The following SORCS1 variants were observed in gnomAD, a reference collection of about 807,000 sequenced individuals.
The protein encoded by SORCS1 is sortilin related VPS10 domain containing receptor 1.
In SORCS1, 60 loss-of-function variants were observed where a neutral mutation model predicts 146.1. The ratio of observed to expected loss-of-function variants is 0.41; its 90% CI spans 0.33 to 0.51. The LOEUF is 0.51. Among genes scored for constraint, SORCS1 ranks in the 20% least tolerant of loss-of-function variants. The pLI is 0.21. For synonymous variants in SORCS1, 637 were observed against 584.0 expected, an observed-to-expected ratio of 1.09 and a Z score of -1.31; for missense variants, 1,352 against 1,487.6, an observed-to-expected ratio of 0.91 and a Z score of 1.50.
chr10:107,130,336 C>A (rs1966853727), intron 1 of SORCS1, among the ~76,000 whole-genome samples: 1 of 152,156 alleles, frequency 6.6e-6, no homozygotes, highest in African/African-American at 2.4e-5. Context: ...AACTGCAGAG[C>A]AACAAATAAT....
intron 1 of SORCS1, among the ~76,000 whole-genome samples, chr10:107,161,699 A>G (rs1238957617): frequency 1.3e-5 from 2 of 152,212 alleles, no homozygotes; most frequent in Non-Finnish European, 2.9e-5. Flanking sequence ...CCAAAAAAAA[A>G]AAGTTTATTT....
intron 6 of SORCS1, among the ~76,000 whole-genome samples, chr10:106,729,445 T>A (rs76304833): frequency 2.3e-5 from 1 of 44,168 alleles, no homozygotes; most frequent in Non-Finnish European, 4.9e-5. Flanking sequence ...CTCTCTCTCT[T>A]TTTTTTTTTT....
intron 1 of SORCS1, among the ~76,000 whole-genome samples, chr10:107,137,954 T>C (rs1967471367): frequency 6.6e-6 from 1 of 152,192 alleles, no homozygotes; most frequent in South Asian, 2.1e-4. Context: ...GCCATGTGTA[T>C]TCTGTTCATT....
upstream of SORCS1, among the ~76,000 whole-genome samples, chr10:107,167,006 T>C (rs550138908): frequency 2.6e-5 from 4 of 152,326 alleles, no homozygotes; most frequent in South Asian, 8.3e-4. Flanking sequence ...CAAACACACC[T>C]GTCAGAATGA....
At chr10:106,704,449 T>C (rs1854362387) in intron 8 of SORCS1, among the ~76,000 whole-genome samples, 1 of 152,166 alleles carries the variant, frequency 6.6e-6, no homozygotes, top group South Asian at 2.1e-4. Context: ...CCCACCACTT[T>C]GGGAGGCCAA....
chr10:107,158,265 T>C (rs1482560017), intron 1 of SORCS1, among the ~76,000 whole-genome samples: 1 of 152,216 alleles, frequency 6.6e-6, no homozygotes, highest in Non-Finnish European at 1.5e-5. Flanking sequence ...TACTACAAGA[T>C]TGATGTGTAT....
chr10:106,753,152 C>G (rs1858384372), intron 5 of SORCS1, among the ~76,000 whole-genome samples: 2 of 151,778 alleles, frequency 1.3e-5, no homozygotes. Flanking sequence ...GTTTTATGCT[C>G]TTTCTCTCCT....
chr10:107,162,304 T>C (rs1248639089), intron 1 of SORCS1, among the ~76,000 whole-genome samples: 1 of 152,218 alleles, frequency 6.6e-6, no homozygotes, highest in East Asian at 1.9e-4. Context: ...AGAGCTAACA[T>C]GTTTGATGTG....
chr10:106,798,793 G>T (rs1467681874), intron 3 of SORCS1, among the ~76,000 whole-genome samples: 1 of 152,150 alleles, frequency 6.6e-6, no homozygotes, highest in Non-Finnish European at 1.5e-5. Flanking sequence ...AATGCTTTGG[G>T]TATATACCCA....
intron 2 of SORCS1, among the ~76,000 whole-genome samples, chr10:106,903,858 A>G (rs1421773256): frequency 2.0e-5 from 3 of 152,180 alleles, no homozygotes; most frequent in Admixed American, 2.0e-4. Context: ...TATGCATGGG[A>G]CAAAATAGTT....
intron 3 of SORCS1, among the ~76,000 whole-genome samples, chr10:106,785,883 T>G (rs764975351): frequency 1.2e-4 from 18 of 152,200 alleles, no homozygotes; most frequent in Non-Finnish European, 1.9e-4. Context: ...TTTTCCTTCC[T>G]TCTTCAGTTA....
chr10:106,612,841 G>T (rs1473768658), intron 21 of SORCS1, among the ~76,000 whole-genome samples: 1 of 152,080 alleles, frequency 6.6e-6, no homozygotes, highest in African/African-American at 2.4e-5. Flanking sequence ...ATGATCTGGA[G>T]CAACCTGAAT....
At chr10:106,991,515 C>A (rs957980251) in intron 1 of SORCS1, among the ~76,000 whole-genome samples, 1 of 152,210 alleles carries the variant, frequency 6.6e-6, no homozygotes, top group Admixed American at 6.5e-5. Flanking sequence ...CTGAACAGAT[C>A]TTCTCCATGT....
intron 1 of SORCS1, among the ~76,000 whole-genome samples, chr10:107,142,614 A>G (rs1247257832): frequency 6.6e-6 from 1 of 152,238 alleles, no homozygotes; most frequent in East Asian, 1.9e-4. Context: ...AAAATGTCTT[A>G]GTATGGCTCA....
intron 25 of SORCS1, chr10:106,578,566 T>G: frequency 3.7e-6 from 2 of 543,286 alleles, no homozygotes; most frequent in Non-Finnish European, 4.6e-6. Flanking sequence ...TACCAATAGA[T>G]GTAAAAAAAA....
intron 1 of SORCS1, among the ~76,000 whole-genome samples, chr10:107,104,222 A>G (rs1965145622): frequency 6.6e-6 from 1 of 152,048 alleles, no homozygotes; most frequent in East Asian, 1.9e-4. Flanking sequence ...GTCTCTCCCT[A>G]CCTCTCAGCT....
At chr10:106,834,992 GT>G (rs1564714056) in intron 2 of SORCS1, among the ~76,000 whole-genome samples, 1 of 151,996 alleles carries the variant, frequency 6.6e-6, no homozygotes, top group Non-Finnish European at 1.5e-5. Flanking sequence ...CTTACACTAC[GT>G]TTTTACAAAT....
chr10:107,175,337 T>C, the SORCS1 span, among the ~76,000 whole-genome samples: 1 of 152,230 alleles, frequency 6.6e-6, no homozygotes, highest in Non-Finnish European at 1.5e-5. Context: ...GTGTTATTTC[T>C]TCCTTATTTG....
rs1035033192 is a variant in SORCS1, at chr10:107,036,186, C to T, written c.559-79606G>A. Among the ~76,000 whole-genome samples, 3 of 147,996 alleles carry T rather than the reference C, an allele frequency of 2.0e-5. No homozygotes were observed. In the South Asian group the frequency reaches 6.3e-4, roughly 31 times the overall value. ...ATAAGAAATGTTGAGTTATTAGATC[C>T]TTTCATTTTGATACAGCAATAAAAA... On this transcript the variant is annotated intron_variant, in intron 1 of 25. Transcript: ENST00000263054.
Sources: gnomAD v4.1 joint callset for allele counts (sites outside exome capture counted in the v4.1 genomes callset) on GRCh38, gnomAD v4.1.1 for gene constraint, MANE v1.5 for transcripts, NCBI Gene and HGNC (gene_info 2026-07-23, HGNC 2026-07-21) for gene names.